The following CCNY variants were observed in gnomAD, a reference collection of about 807,000 sequenced individuals.
CCNY encodes the protein cyclin Y.
A neutral mutation model predicts 42.8 loss-of-function variants in CCNY; 19 were observed. The ratio of observed to expected loss-of-function variants is 0.44; its 90% confidence interval spans 0.31 to 0.65. The LOEUF is 0.65. CCNY is among the 30% of genes least tolerant of loss of function. CCNY has a pLI of 0.07. For missense variants in CCNY, 370 were observed against 437.3 expected (o/e 0.85, Z 1.37); for synonymous variants, 165 against 162.7 (o/e 1.01, Z -0.11).
At chr10:35,545,652 A>G (rs1841096633) in intron 7 of CCNY, among the ~76,000 whole-genome samples, 2 of 152,170 alleles carry the variant, frequency 1.3e-5, no homozygotes, top group African/African-American at 4.8e-5. Context: ...ACTTCAACAT[A>G]TGCATTTTGG....
chr10:35,455,868 GAGGGT>G (rs1252608874), intron 1 of CCNY, among the ~76,000 whole-genome samples: 2 of 144,036 alleles, frequency 1.4e-5, no homozygotes, highest in African/African-American at 2.6e-5. Context: ...GCCCAAACTG[GAGGGT>G]AATGGCACAA....
chr10:35,463,347 A>C (rs1433434156), intron 1 of CCNY, among the ~76,000 whole-genome samples: 3 of 152,240 alleles, frequency 2.0e-5, no homozygotes, highest in Non-Finnish European at 4.4e-5. Flanking sequence ...TTACCCACAG[A>C]GTTAACGTTC....
chr10:35,418,882 G>A (rs1466785929), intron 1 of CCNY, among the ~76,000 whole-genome samples: 7 of 151,650 alleles, frequency 4.6e-5, no homozygotes, highest in African/African-American at 7.3e-5. Flanking sequence ...GTGCAGTGGC[G>A]CTATCTCTGC....
At chr10:35,380,271 G>T (rs960652514) in intron 1 of CCNY, among the ~76,000 whole-genome samples, 1 of 152,208 alleles carries the variant, frequency 6.6e-6, no homozygotes, top group Admixed American at 6.5e-5. Flanking sequence ...GCATTTATGT[G>T]TGAAACATTG....
Position 35,359,617 on chromosome 10 carries a change from A to G in CCNY, c.154+22410A>G, listed in dbSNP as rs147883045. 1.9e-3 allele frequency among the ~76,000 whole-genome samples: 285 copies of G among 152,260 alleles called. 2 individuals carry two copies. Among genetic ancestry groups the G allele is most frequent in the African/African-American group, 6.5e-3 (270 of 41,542 alleles). On this transcript the variant is annotated intron_variant, in intron 1 of 9. Transcript: ENST00000374704. ...TGGCCTTCCAAAGTGCTGGGATTACAGTTGTGATCCACCACACCCATTTTA... is the reference window on the plus strand; with the variant it reads ...TGGCCTTCCAAAGTGCTGGGATTACGGTTGTGATCCACCACACCCATTTTA...
chr10:35,448,584 G>A (rs1271605746), intron 1 of CCNY, among the ~76,000 whole-genome samples: 2 of 152,160 alleles, frequency 1.3e-5, no homozygotes, highest in East Asian at 1.9e-4. Context: ...TGGTGTTACT[G>A]TTAGGTAAGG....
intron 1 of CCNY, among the ~76,000 whole-genome samples, chr10:35,349,925 A>G (rs553173065): frequency 1.3e-5 from 2 of 152,210 alleles, no homozygotes; most frequent in Non-Finnish European, 2.9e-5. Flanking sequence ...AGCAATTTGC[A>G]GTGGTTCTGC....
At chr10:35,276,032 G>A (rs577023408) in intron 3 of CCNY, among the ~76,000 whole-genome samples, 2 of 152,334 alleles carry the variant, frequency 1.3e-5, no homozygotes, top group South Asian at 4.1e-4. Flanking sequence ...TTTGCAGAAG[G>A]ACTGGGGAAT....
chr10:35,278,918 A>G (rs1446731548), intron 3 of CCNY, among the ~76,000 whole-genome samples: 1 of 151,996 alleles, frequency 6.6e-6, no homozygotes, highest in African/African-American at 2.4e-5. Flanking sequence ...TTTCTATTTC[A>G]TTAGTTCTTC....
At chr10:35,524,954 T>C (rs1360636534) in intron 4 of CCNY, among the ~76,000 whole-genome samples, 1 of 152,212 alleles carries the variant, frequency 6.6e-6, no homozygotes, top group Non-Finnish European at 1.5e-5. Context: ...TGTTAATGAC[T>C]TGAGGTCAAG....
At chr10:35,379,475 A>G (rs1837129953) in intron 1 of CCNY, among the ~76,000 whole-genome samples, 1 of 152,222 alleles carries the variant, frequency 6.6e-6, no homozygotes, top group Non-Finnish European at 1.5e-5. Flanking sequence ...TCTTTTCTCA[A>G]GGGATCTAGC....
intron 2 of CCNY, among the ~76,000 whole-genome samples, chr10:35,490,910 G>C (rs1839882001): frequency 6.6e-6 from 1 of 152,204 alleles, no homozygotes; most frequent in East Asian, 1.9e-4. Context: ...CAGCCCATTT[G>C]AAGGTCTCTT....
At chr10:35,549,093 C>A (rs1423853461) in intron 7 of CCNY, among the ~76,000 whole-genome samples, 1 of 130,928 alleles carries the variant, frequency 7.6e-6, no homozygotes, top group Non-Finnish European at 1.6e-5. Context: ...TGCCCCTCAC[C>A]ACCCACCCCA....
intron 2 of CCNY, among the ~76,000 whole-genome samples, chr10:35,496,225 A>T (rs1840000391): frequency 1.3e-5 from 2 of 152,238 alleles, no homozygotes; most frequent in African/African-American, 4.8e-5. Flanking sequence ...TCTTTGTAGA[A>T]TAGCACAGCT....
chr10:35,535,005 G>A (rs1263299170), intron 7 of CCNY, among the ~76,000 whole-genome samples: 68 of 131,892 alleles, frequency 5.2e-4, no homozygotes, highest in Middle Eastern at 4.0e-3. Flanking sequence ...ATATATGTGT[G>A]TGTGTGTGTG....
intron 2 of CCNY, among the ~76,000 whole-genome samples, chr10:35,492,091 C>T (rs1839910767): frequency 6.6e-6 from 1 of 151,988 alleles, no homozygotes; most frequent in African/African-American, 2.4e-5. Context: ...AGCCCCTTCC[C>T]AGTCTCCTGC....
At chr10:35,345,297 G>A (rs752236656) in intron 1 of CCNY, among the ~76,000 whole-genome samples, 23 of 152,212 alleles carry the variant, frequency 1.5e-4, no homozygotes, top group Non-Finnish European at 1.3e-4. Context: ...TCTCATTATG[G>A]TTTTGATTTG....
At position 35,484,168 on chromosome 10, in the gene CCNY, C is replaced by T. The variant is rs139487138; in HGVS notation, c.229+690C>T. Among the ~76,000 whole-genome samples, 574 of 152,220 alleles carry T rather than the reference C, an allele frequency of 3.8e-3. 8 individuals are homozygous for T. The highest frequency in any genetic ancestry group is 0.013 in the African/African-American group (541 of 41,532). ...ATAGAAAAAGGTGGCAGGAGAAACT[C>T]GTTAAATGATGATATCATGACCAGG... On this transcript the variant is annotated intron_variant, in intron 2 of 9. Transcript: ENST00000374704.
chr10:35,513,980 C>G (rs780937504), intron 3 of CCNY, among the ~76,000 whole-genome samples: 63 of 150,198 alleles, frequency 4.2e-4, no homozygotes, highest in Non-Finnish European at 6.9e-4. Context: ...TACACCTCTG[C>G]TGCTTCCAGA....
Sources: allele counts gnomAD v4.1 joint callset (sites outside exome capture counted in the v4.1 genomes callset), GRCh38; gene constraint gnomAD v4.1.1; transcripts MANE v1.5; gene names NCBI Gene and HGNC (gene_info 2026-07-23, HGNC 2026-07-21).